The following RAP1A variants were observed in gnomAD, a reference collection of about 807,000 sequenced individuals.
RAP1A encodes RAP1A, member of RAS oncogene family.
Under a neutral mutation model 26.4 loss-of-function variants are expected in RAP1A, and 6 were observed. The observed-to-expected ratio is 0.23, with a 90% CI of 0.12 to 0.45. RAP1A has a LOEUF of 0.45. Among genes scored for constraint, RAP1A ranks in the 20% least tolerant of loss-of-function variants. The pLI is 0.99. For synonymous variants in RAP1A, 73 were observed against 79.4 expected (o/e 0.92, Z 0.43); for missense variants, 121 against 217.2 (o/e 0.56, Z 2.78).
intron 1 of RAP1A, among the ~76,000 whole-genome samples, chr1:111,582,329 T>G (rs1261095079): frequency 6.6e-6 from 1 of 152,156 alleles, no homozygotes; most frequent in Non-Finnish European, 1.5e-5. Flanking sequence ...AGCTAAGTCT[T>G]TTCTAGAAGT....
intron 1 of RAP1A, among the ~76,000 whole-genome samples, chr1:111,634,633 T>G (rs1659672327): frequency 6.6e-6 from 1 of 151,226 alleles, no homozygotes; most frequent in Non-Finnish European, 1.5e-5. Context: ...ATGTATTTAT[T>G]TATTTATTTA....
At chr1:111,552,396 T>C (rs1657302426) in intron 1 of RAP1A, among the ~76,000 whole-genome samples, 1 of 152,236 alleles carries the variant, frequency 6.6e-6, no homozygotes, top group African/African-American at 2.4e-5. Flanking sequence ...CTATTTTTCC[T>C]GAATACGTGT....
At chr1:111,639,312 T>G (rs1018512402) in intron 1 of RAP1A, among the ~76,000 whole-genome samples, 2 of 152,262 alleles carry the variant, frequency 1.3e-5, no homozygotes, top group East Asian at 3.9e-4. Context: ...AGGTAACACT[T>G]TTCTGAATTA....
intron 1 of RAP1A, chr1:111,604,729 C>T (rs1414000053): frequency 4.6e-5 from 7 of 152,160 alleles, no homozygotes; most frequent in Non-Finnish European, 1.0e-4. Flanking sequence ...AGGTGAATTT[C>T]CTTTCTTATA....
chr1:111,584,753 C>T lies in RAP1A; in HGVS notation c.-28+42244C>T, dbSNP rs553889943. On this transcript the variant is annotated intron_variant, in intron 1 of 7. Coordinates refer to the RAP1A transcript ENST00000356415. ...GAATACTTTATATGCCTGATGTGGC[C>T]GGTGACCAGAATGCCATTATTTAGG... 5.9e-5 allele frequency among the ~76,000 whole-genome samples: 9 copies of T among 152,032 alleles called. No individual in the cohort carries two copies. In the South Asian group the frequency reaches 8.3e-4, roughly 14 times the overall value.
intron 1 of RAP1A, among the ~76,000 whole-genome samples, chr1:111,642,899 A>G (rs1659940182): frequency 6.7e-6 from 1 of 149,518 alleles, no homozygotes; most frequent in Admixed American, 6.8e-5. Flanking sequence ...CCTCCCGGGT[A>G]GCTGGGACTA....
chr1:111,564,570 T>C (rs905797738), intron 1 of RAP1A, among the ~76,000 whole-genome samples: 2 of 145,798 alleles, frequency 1.4e-5, no homozygotes, highest in Admixed American at 7.0e-5. Flanking sequence ...TAGAGTGCAG[T>C]GGCACGATCT....
At chr1:111,549,564 C>G (rs539742289) in intron 1 of RAP1A, among the ~76,000 whole-genome samples, 1 of 150,904 alleles carries the variant, frequency 6.6e-6, no homozygotes, top group South Asian at 2.1e-4. Context: ...ACAGGAGAAT[C>G]GCTTGAACTG....
chr1:111,672,299 TTA>T (rs1660999334), intron 1 of RAP1A, among the ~76,000 whole-genome samples: 1 of 152,218 alleles, frequency 6.6e-6, no homozygotes, highest in Non-Finnish European at 1.5e-5. Flanking sequence ...ATTAACATAT[TTA>T]TATACATGGA....
At chr1:111,650,654 T>C (rs1660236343) in intron 1 of RAP1A, 1 of 152,224 alleles carries the variant, frequency 6.6e-6, no homozygotes, top group Non-Finnish European at 1.5e-5. Flanking sequence ...CCCTACCAAA[T>C]TGGTACATAT....
chr1:111,685,599 G>A (rs935667737), intron 1 of RAP1A, among the ~76,000 whole-genome samples: 21 of 152,172 alleles, frequency 1.4e-4, no homozygotes, highest in African/African-American at 5.1e-4. Flanking sequence ...AGTTAGAATA[G>A]CGATCATTAA....
intron 7 of RAP1A, among the ~76,000 whole-genome samples, chr1:111,710,226 G>A (rs1045010803): frequency 2.6e-5 from 4 of 152,166 alleles, no homozygotes; most frequent in Admixed American, 6.5e-5. Context: ...TCTCTGGTAT[G>A]AGTCAACTTC....
At chr1:111,545,469 T>C (rs1657002117) in intron 1 of RAP1A, among the ~76,000 whole-genome samples, 1 of 152,144 alleles carries the variant, frequency 6.6e-6, no homozygotes. Context: ...TAAATTGGAT[T>C]ATTTGTCCTT....
chr1:111,629,380 A>G (rs1273995840), intron 1 of RAP1A, among the ~76,000 whole-genome samples: 4 of 152,156 alleles, frequency 2.6e-5, no homozygotes, highest in Non-Finnish European at 5.9e-5. Context: ...AATATAAAGC[A>G]AGTTAGCCAG....
chr1:111,599,303 T>C (rs1330672877), intron 1 of RAP1A, among the ~76,000 whole-genome samples: 1 of 152,194 alleles, frequency 6.6e-6, no homozygotes, highest in Non-Finnish European at 1.5e-5. Context: ...CCTCCCGGGT[T>C]CAAGTGATTC....
intron 1 of RAP1A, among the ~76,000 whole-genome samples, chr1:111,677,880 A>G (rs192011734): frequency 1.3e-5 from 2 of 152,370 alleles, no homozygotes; most frequent in African/African-American, 2.4e-5. Context: ...TATGAATACA[A>G]GGAGACCAGG....
At chr1:111,606,097 G>A (rs1000848136) in intron 1 of RAP1A, among the ~76,000 whole-genome samples, 3 of 152,218 alleles carry the variant, frequency 2.0e-5, no homozygotes, top group Middle Eastern at 3.2e-3. Flanking sequence ...AAAAGACAGA[G>A]AAGCAGGCCA....
intron 4 of RAP1A, among the ~76,000 whole-genome samples, chr1:111,700,199 CT>C (rs1304140434): frequency 6.6e-6 from 1 of 152,156 alleles, no homozygotes; most frequent in Admixed American, 6.5e-5. Flanking sequence ...TAAATACTAA[CT>C]TTGTAACCCT....
chr1:111,622,687 G>C (rs1659259157), intron 1 of RAP1A, among the ~76,000 whole-genome samples: 1 of 152,194 alleles, frequency 6.6e-6, no homozygotes, highest in African/African-American at 2.4e-5. Flanking sequence ...AATAATGTCA[G>C]TCATAAAAAG....
Sources: allele counts gnomAD v4.1 joint callset (sites outside exome capture counted in the v4.1 genomes callset), GRCh38; gene constraint gnomAD v4.1.1; transcripts MANE v1.5; gene names NCBI Gene and HGNC (gene_info 2026-07-23, HGNC 2026-07-21).